STPG4: variants seen among roughly 807,000 people sequenced by gnomAD.
The protein encoded by STPG4 is sperm-tail PG-rich repeat containing 4.
Under a neutral mutation model 31.5 loss-of-function variants are expected in STPG4, and 41 were observed. The ratio of observed to expected loss-of-function variants is 1.30; its 90% CI spans 1.01 to 1.69. The LOEUF (loss-of-function observed/expected upper bound fraction) is 1.69. Among genes scored for constraint, STPG4 ranks in the 40% most tolerant of loss-of-function variants. The pLI is 0.00. For missense variants in STPG4, 375 were observed against 293.4 expected (o/e 1.28, Z -2.03); for synonymous variants, 141 against 103.0 (o/e 1.37, Z -2.24).
At chr2:47,130,386 G>C (rs1686453548) in intron 3 of STPG4, 126 bp from the exon 4 acceptor site, 5 of 735,692 alleles carry the variant, frequency 6.8e-6, no homozygotes, top group Non-Finnish European at 9.0e-6. Context: ...TACTTTAATA[G>C]TGGAAAAGGA....
Position 47,139,749 on chromosome 2 carries a change from T to TGAGGA in STPG4, c.400-9490_400-9489insTCCTC, listed in dbSNP as rs879779146. On this transcript the variant is annotated intron_variant, in intron 3 of 6. Coordinates refer to ENST00000445927, the MANE Select transcript of STPG4 (RefSeq NM_001163561.2). Reference sequence around the variant, plus strand: ...CATACAAGATTATGCTCTGACAATTTTGATTAACTCCGACAATCTGTCTTT... The same window carrying TGAGGA: ...CATACAAGATTATGCTCTGACAATTTGAGGATGATTAACTCCGACAATCTGTCTTT... Among the ~76,000 whole-genome samples the TGAGGA allele has an allele frequency of 1.9e-3, 286 of 152,306 alleles. 1 individual carries two copies. Among genetic ancestry groups the TGAGGA allele is most frequent in the Non-Finnish European group, 3.4e-3 (234 of 68,026 alleles).
intron 1 of STPG4, among the ~76,000 whole-genome samples, chr2:47,153,633 T>G (rs1490760693): frequency 6.6e-6 from 1 of 152,168 alleles, no homozygotes; most frequent in Non-Finnish European, 1.5e-5. Flanking sequence ...CACATGCCTG[T>G]AATCCCTCCT....
intron 5 of STPG4, among the ~76,000 whole-genome samples, chr2:47,103,838 T>C (rs1685849058): frequency 6.6e-6 from 1 of 151,746 alleles, no homozygotes; most frequent in Non-Finnish European, 1.5e-5. Context: ...TGTTTAACTA[T>C]TGAGGGCCAG....
Position 47,134,566 on chromosome 2 carries a change from A to C in STPG4, c.400-4306T>G, listed in dbSNP as rs866062884. 3.3e-5 allele frequency among the ~76,000 whole-genome samples: 5 copies of C among 152,252 alleles called. No individual in the cohort carries two copies. In the South Asian group the frequency reaches 8.3e-4, roughly 25 times the overall value. On this transcript the variant is annotated intron_variant, in intron 3 of 6. Transcript: ENST00000445927. Reference sequence around the variant, plus strand: ...TCTTTTTAGTGCTGAATAATATTCCATTGTCTGGATGTACCACAGTTTATT... The same window carrying C: ...TCTTTTTAGTGCTGAATAATATTCCCTTGTCTGGATGTACCACAGTTTATT...
At chr2:47,106,045 AAG>A (rs1685903666) in intron 5 of STPG4, among the ~76,000 whole-genome samples, 1 of 151,914 alleles carries the variant, frequency 6.6e-6, no homozygotes, top group Admixed American at 6.5e-5. Context: ...GCAAGAAGGA[AAG>A]AGAGAAAAAG....
intron 5 of STPG4, among the ~76,000 whole-genome samples, chr2:47,092,793 G>A (rs868793208): frequency 2.8e-5 from 2 of 70,818 alleles, no homozygotes; most frequent in Non-Finnish European, 6.4e-5. Context: ...GACCCTCCAC[G>A]GTTCTGTTTT....
chr2:47,127,800 G>T (rs1686394328), intron 5 of STPG4, among the ~76,000 whole-genome samples: 1 of 152,092 alleles, frequency 6.6e-6, no homozygotes, highest in African/African-American at 2.4e-5. Flanking sequence ...CTGTCTGAAA[G>T]GTCACATATC....
chr2:47,151,466 G>C lies in STPG4; in HGVS notation c.191C>G (p.Ser64Cys). Residue 64 changes from serine to cysteine, a missense_variant, in exon 3 of 7, where the codon TCC becomes TGC. By Grantham distance (112) the Ser-to-Cys change is moderately radical. Transcript: ENST00000445927. ...TYHLKTFIEE[S>C]LLNPVIATYN... is the part of the protein sequence containing the mutation. ...GGTTGCTATCACTGGATTTAATAGG[G>C]ATTCTTCAATAAAAGTTTTCAAGTG... 1 of 1,613,886 alleles carries C rather than the reference G, an allele frequency of 6.2e-7. No individual in the cohort carries two copies. Among genetic ancestry groups the C allele is most frequent in the East Asian group, 2.2e-5 (1 of 44,882 alleles).
intron 5 of STPG4, among the ~76,000 whole-genome samples, chr2:47,102,474 C>T (rs1486012246): frequency 6.6e-6 from 1 of 151,828 alleles, no homozygotes; most frequent in Non-Finnish European, 1.5e-5. Flanking sequence ...GTACAAATTA[C>T]AATACTATCC....
intron 5 of STPG4, chr2:47,129,272 C>T (rs911562958): frequency 5.2e-5 from 8 of 152,408 alleles, no homozygotes; most frequent in African/African-American, 1.9e-4. Flanking sequence ...ACAAGCACTC[C>T]TTTGGCTGCC....
At chr2:47,121,847 C>CCT (rs1217547925) in intron 5 of STPG4, among the ~76,000 whole-genome samples, 1 of 144,220 alleles carries the variant, frequency 6.9e-6, no homozygotes, top group African/African-American at 2.6e-5. Context: ...GCCCTCTCCT[C>CCT]GTGTGTGTGT....
At chr2:47,120,637 A>C (rs912220116) in intron 5 of STPG4, among the ~76,000 whole-genome samples, 1 of 151,992 alleles carries the variant, frequency 6.6e-6, no homozygotes, top group Non-Finnish European at 1.5e-5. Flanking sequence ...GACCTGGCAC[A>C]TTCATTTGGT....
chr2:47,099,484 G>A (rs1268038423), intron 5 of STPG4, among the ~76,000 whole-genome samples: 1 of 152,268 alleles, frequency 6.6e-6, no homozygotes, highest in Non-Finnish European at 1.5e-5. Context: ...CTTCAGACAA[G>A]TGAGGCACCA....
chr2:47,127,579 A>G (rs551697114), intron 5 of STPG4, among the ~76,000 whole-genome samples: 3 of 152,118 alleles, frequency 2.0e-5, no homozygotes, highest in Admixed American at 6.5e-5. Context: ...CAAGCTCACA[A>G]ATTCTTTCTT....
At chr2:47,102,067 C>T (rs892230925) in intron 5 of STPG4, among the ~76,000 whole-genome samples, 3 of 151,822 alleles carry the variant, frequency 2.0e-5, no homozygotes, top group Middle Eastern at 3.2e-3. Context: ...CTTCTTTGGT[C>T]CTCCATGTGG....
chr2:47,143,525 G>GCCAA (rs1686758756), intron 3 of STPG4, among the ~76,000 whole-genome samples: 1 of 148,240 alleles, frequency 6.7e-6, no homozygotes, highest in Non-Finnish European at 1.5e-5. Context: ...TCGCTCTGTC[G>GCCAA]CCCAGGCTGG....
intron 5 of STPG4, among the ~76,000 whole-genome samples, chr2:47,105,607 C>G (rs1685894022): frequency 6.6e-6 from 1 of 151,992 alleles, no homozygotes; most frequent in Admixed American, 6.5e-5. Context: ...CTTAACTAAT[C>G]CTGACCTTAA....
chr2:47,099,928 T>C (rs907027392), intron 5 of STPG4, among the ~76,000 whole-genome samples: 1 of 152,132 alleles, frequency 6.6e-6, no homozygotes, highest in African/African-American at 2.4e-5. Context: ...AGCCCACCAG[T>C]GCTGTGCTCA....
chr2:47,130,696 G>T (rs1473907236), intron 3 of STPG4, among the ~76,000 whole-genome samples: 2 of 152,034 alleles, frequency 1.3e-5, no homozygotes, highest in African/African-American at 4.8e-5. Context: ...TGTATTTTTA[G>T]TAGAGACAGG....
Sources: allele counts gnomAD v4.1 joint callset (sites outside exome capture counted in the v4.1 genomes callset), GRCh38; gene constraint gnomAD v4.1.1; transcripts MANE v1.5; gene names NCBI Gene and HGNC (gene_info 2026-07-23, HGNC 2026-07-21).